The following ABHD2 variants were observed in gnomAD, a reference collection of about 807,000 sequenced individuals.
The protein encoded by ABHD2 is abhydrolase domain containing 2, acylglycerol lipase, also known as monoacylglycerol lipase ABHD2.
A neutral mutation model predicts 48.1 loss-of-function variants in ABHD2; 20 were observed. The observed-to-expected ratio is 0.42, with a 90% confidence interval of 0.29 to 0.60. The LOEUF is 0.60. Among genes scored for constraint, ABHD2 ranks in the 20% least tolerant of loss-of-function variants. The probability of loss-of-function intolerance (pLI) is 0.24; values close to 1 mark genes in which losing one functional copy is unlikely to be tolerated. For missense variants in ABHD2, 405 were observed against 550.9 expected, an observed-to-expected ratio of 0.74 and a Z score of 2.65; for synonymous variants, 209 against 214.2, an observed-to-expected ratio of 0.98 and a Z score of 0.21.
intron 3 of ABHD2, among the ~76,000 whole-genome samples, chr15:89,133,450 A>T (rs998938166): frequency 3.3e-5 from 5 of 152,186 alleles, no homozygotes; most frequent in African/African-American, 1.2e-4. Flanking sequence ...AAATTTTGCT[A>T]GCTGTTGTCC....
chr15:89,078,868 C>A, the ABHD2 span, among the ~76,000 whole-genome samples: 2 of 152,028 alleles, frequency 1.3e-5, no homozygotes, highest in Non-Finnish European at 2.9e-5. Flanking sequence ...ATAACTGGGA[C>A]TCCAGGTGCC....
chr15:89,081,526 A>G, the ABHD2 span, among the ~76,000 whole-genome samples: 1 of 152,356 alleles, frequency 6.6e-6, no homozygotes, highest in Non-Finnish European at 1.5e-5. Context: ...ATAGAATAGC[A>G]CATGGAAGAA....
intron 5 of ABHD2, among the ~76,000 whole-genome samples, chr15:89,170,921 G>T (rs1269903531): frequency 2.0e-5 from 3 of 152,082 alleles, no homozygotes; most frequent in South Asian, 4.2e-4. Flanking sequence ...TTCAAGACCA[G>T]CCTGGCCAAC....
chr15:89,161,099 TG>T (rs1436959814), intron 5 of ABHD2, among the ~76,000 whole-genome samples: 6 of 152,218 alleles, frequency 3.9e-5, no homozygotes, highest in Non-Finnish European at 8.8e-5. Flanking sequence ...GAATTTCCCA[TG>T]GGAGCTTTTA....
At chr15:89,050,179 G>C in the ABHD2 span, among the ~76,000 whole-genome samples, 1 of 152,204 alleles carries the variant, frequency 6.6e-6, no homozygotes. Flanking sequence ...CCCAGGAACA[G>C]AGCAGACCTG....
At chr15:89,064,324 A>T in the ABHD2 span, among the ~76,000 whole-genome samples, 1 of 146,298 alleles carries the variant, frequency 6.8e-6, no homozygotes, top group Non-Finnish European at 1.5e-5. Context: ...GGTTTAAGCG[A>T]TTCTCCTGCC....
rs1302421034 is a variant in ABHD2, at chr15:89,176,289, T to G, written c.722+294T>G. On this transcript the variant is annotated intron_variant, in intron 6 of 10. Transcript: ENST00000352732. This position sits in a 1 kb window ranked among gnomAD's most constrained non-coding sequence, Gnocchi z 4.5. The stretch of plus-strand genomic sequence containing the variant: ...AGGGAATCTCTGTCAGGTGACTTAA[T>G]TTGTTCAGGCTTCAGGAGTTTTTAT... Among the ~76,000 whole-genome samples the G allele has an allele frequency of 6.6e-6, 1 of 152,158 alleles. No homozygotes were observed. Among genetic ancestry groups the G allele is most frequent in the Non-Finnish European group, 1.5e-5 (1 of 68,032 alleles).
chr15:89,171,600 A>G (rs2050928924), intron 5 of ABHD2, among the ~76,000 whole-genome samples: 1 of 152,190 alleles, frequency 6.6e-6, no homozygotes, highest in Non-Finnish European at 1.5e-5. Context: ...ACCTGTGGAA[A>G]CCTTGCTTTG....
rs1419847509 is a variant in ABHD2, at chr15:89,167,795, CAG to C, written c.539-8016_539-8015del. Among the ~76,000 whole-genome samples the C allele has an allele frequency of 6.6e-6, 1 of 152,184 alleles. No individual in the cohort carries two copies. The highest frequency in any genetic ancestry group is 1.5e-5 in the Non-Finnish European group (1 of 68,032). ...TCACATACTTTTACTATGGAAGTGACAGGGGCTGCTAGGCCCCTAACCGCCCA... is the reference window on the plus strand; with the variant it reads ...TCACATACTTTTACTATGGAAGTGACGGGCTGCTAGGCCCCTAACCGCCCA... On this transcript the variant is annotated intron_variant, in intron 5 of 10. Transcript: ENST00000352732. The surrounding 1 kb of genome is among the most constrained non-coding windows in gnomAD (Gnocchi z 5.5).
chr15:89,049,994 A>G, the ABHD2 span, among the ~76,000 whole-genome samples: 1 of 152,212 alleles, frequency 6.6e-6, no homozygotes, highest in Admixed American at 6.5e-5. Flanking sequence ...AGAAAATAAA[A>G]GTTGCCCACC....
At chr15:89,153,743 A>G (rs1367515060) in intron 4 of ABHD2, among the ~76,000 whole-genome samples, 1 of 152,216 alleles carries the variant, frequency 6.6e-6, no homozygotes, top group Non-Finnish European at 1.5e-5. Context: ...AATACATTTA[A>G]AAAATAAGAA....
In ABHD2 at chr15:89,186,178, T is replaced by C. The variant is rs1303144275; in HGVS notation, c.815+662T>C. Among the ~76,000 whole-genome samples, 1 of 152,122 alleles carries C rather than the reference T, an allele frequency of 6.6e-6. No individual in the cohort carries two copies. The highest frequency in any genetic ancestry group is 6.5e-5 in the Admixed American group (1 of 15,278). Reference sequence around the variant, plus strand: ...TCAGGACTCATTCTTGGCTGGCGCTTGGGCTTCTGACCAAGCAGCAGCGGG... The same window carrying C: ...TCAGGACTCATTCTTGGCTGGCGCTCGGGCTTCTGACCAAGCAGCAGCGGG... On this transcript the variant is annotated intron_variant, in intron 7 of 10. Coordinates refer to ENST00000352732, the MANE Select transcript of ABHD2 (RefSeq NM_152924.5). The surrounding 1 kb of genome is among the most constrained non-coding windows in gnomAD (Gnocchi z 4.3).
At chr15:89,144,474 G>A (rs2050460194) in intron 3 of ABHD2, among the ~76,000 whole-genome samples, 3 of 152,148 alleles carry the variant, frequency 2.0e-5, no homozygotes, top group South Asian at 4.1e-4. Context: ...TAAACAAAAT[G>A]TGGTATATTC....
rs71733565 is a variant in ABHD2 at position 89,189,783 on chromosome 15, TG to T, written c.927-1295del. On this transcript the variant is annotated intron_variant, in intron 8 of 10. Transcript: ENST00000352732. This position sits in a 1 kb window ranked among gnomAD's most constrained non-coding sequence, Gnocchi z 4.9. ...AAGTGTGTGACTGTATTGCGGTGTG[TG>T]GTAAGAAAAAACAAATTAAATTTCC... 0.043 allele frequency among the ~76,000 whole-genome samples: 6,471 copies of T among 152,126 alleles called. 449 individuals are homozygous for T. Among genetic ancestry groups the T allele is most frequent in the African/African-American group, 0.15 (6,063 of 41,382 alleles).
chr15:89,183,434 T>C (rs2051155322), intron 6 of ABHD2: 1 of 138,314 alleles, frequency 7.2e-6, no homozygotes, highest in Non-Finnish European at 1.5e-5. Flanking sequence ...ATGTAATACA[T>C]TGATCTTGAT....
the ABHD2 span, among the ~76,000 whole-genome samples, chr15:89,076,859 A>T: frequency 5.9e-5 from 9 of 152,048 alleles, no homozygotes; most frequent in African/African-American, 2.2e-4. Flanking sequence ...ATTTCTTTTA[A>T]ATTTATAATT....
At chr15:89,056,239 G>T in the ABHD2 span, among the ~76,000 whole-genome samples, 22 of 152,062 alleles carry the variant, frequency 1.4e-4, no homozygotes, top group Middle Eastern at 3.2e-3. Context: ...TATCTTCCTA[G>T]GGAAAATAAT....
chr15:89,073,723 T>TG, the ABHD2 span, among the ~76,000 whole-genome samples: 4 of 152,196 alleles, frequency 2.6e-5, no homozygotes, highest in Non-Finnish European at 5.9e-5. Context: ...CAGCAGGTCT[T>TG]GGGGGACCTG....
chr15:89,117,187 G>T (rs577282317), intron 3 of ABHD2, among the ~76,000 whole-genome samples: 1 of 152,086 alleles, frequency 6.6e-6, no homozygotes, highest in Non-Finnish European at 1.5e-5. Flanking sequence ...CACCATGCCC[G>T]GCTAATTTTT....
Sources: allele counts gnomAD v4.1 joint callset (sites outside exome capture counted in the v4.1 genomes callset), GRCh38; gene constraint gnomAD v4.1.1; non-coding constraint Gnocchi (gnomAD v3.1); transcripts MANE v1.5; gene names NCBI Gene and HGNC (gene_info 2026-07-23, HGNC 2026-07-21).